Variants in ADTRP observed in about 807,000 individuals in gnomAD.
ADTRP encodes androgen-dependent TFPI-regulating protein.
Under a neutral mutation model 27.0 loss-of-function variants are expected in ADTRP, and 20 were observed. The ratio of observed to expected loss-of-function variants is 0.74; its 90% CI spans 0.52 to 1.08. The LOEUF (loss-of-function observed/expected upper bound fraction) is 1.08. Among genes scored for constraint, ADTRP ranks in the 50% least tolerant of loss-of-function variants. The pLI is 0.00. For synonymous variants in ADTRP, 101 were observed against 105.2 expected (o/e 0.96, Z 0.25); for missense variants, 251 against 275.0 (o/e 0.91, Z 0.62).
chr6:11,742,831 A>G (rs1011798892), intron 3 of ADTRP, among the ~76,000 whole-genome samples: 7 of 152,372 alleles, frequency 4.6e-5, no homozygotes, highest in African/African-American at 1.7e-4. Flanking sequence ...CAGGAACTCC[A>G]GAAGTACCAT....
At chr6:11,736,785 G>T (rs996095733) in intron 3 of ADTRP, 1 of 152,172 alleles carries the variant, frequency 6.6e-6, no homozygotes, top group Non-Finnish European at 1.5e-5. Flanking sequence ...GTGTATATTC[G>T]TACGCTCTGG....
At chr6:11,748,778 G>A (rs910283952) in intron 3 of ADTRP, among the ~76,000 whole-genome samples, 3 of 152,216 alleles carry the variant, frequency 2.0e-5, no homozygotes, top group African/African-American at 7.2e-5. Context: ...CAGTACGCAC[G>A]AAGGTCCTGT....
At chr6:11,716,031 G>T (rs1761814086) in intron 5 of ADTRP, among the ~76,000 whole-genome samples, 1 of 151,718 alleles carries the variant, frequency 6.6e-6, no homozygotes, top group African/African-American at 2.4e-5. Context: ...TCTACATTAG[G>T]TCTATAAGTA....
intron 1 of ADTRP, among the ~76,000 whole-genome samples, chr6:11,775,884 T>G (rs1396846153): frequency 6.6e-6 from 1 of 152,216 alleles, no homozygotes; most frequent in Non-Finnish European, 1.5e-5. Flanking sequence ...GTGTAAATTT[T>G]CTGGTAATCA....
At chr6:11,716,696 A>G (rs888049949) in intron 5 of ADTRP, among the ~76,000 whole-genome samples, 4 of 131,832 alleles carry the variant, frequency 3.0e-5, no homozygotes, top group Non-Finnish European at 5.0e-5. Context: ...ATCTCTGACC[A>G]TGCTTTTTTT....
chr6:11,774,179 G>A lies in ADTRP; in HGVS notation c.153+4428C>T, dbSNP rs541199312. Among the ~76,000 whole-genome samples, 7 of 152,172 alleles carry A rather than the reference G, an allele frequency of 4.6e-5. No individual in the cohort carries two copies. The South Asian group carries it at 1.5e-3, about 32-fold the overall frequency. ...AAAAAAATTAGCCAGGCATGGTGGT[G>A]CATGCTGTAGTCCCAGCTACTGAGG... On this transcript the variant is annotated intron_variant, in intron 1 of 5. Transcript: ENST00000414691.
intron 3 of ADTRP, among the ~76,000 whole-genome samples, chr6:11,742,762 T>C (rs11755870): frequency 0.038 from 5,720 of 152,274 alleles, 147 homozygotes; most frequent in African/African-American, 0.064. Context: ...GTGAAGGAGA[T>C]GCTGCCAGTG....
intron 3 of ADTRP, among the ~76,000 whole-genome samples, chr6:11,765,210 T>G (rs1763524467): frequency 6.6e-6 from 1 of 152,082 alleles, no homozygotes; most frequent in Non-Finnish European, 1.5e-5. Flanking sequence ...GTTGGTCATC[T>G]TGTGAGTTTT....
In ADTRP at chr6:11,723,519, C is replaced by T. The variant is rs777183191; in HGVS notation, c.507-19G>A. The T allele has an allele frequency of 3.2e-5, 52 of 1,612,536 alleles. No homozygotes were observed. In the East Asian group the frequency reaches 5.8e-4, roughly 18 times the overall value. On this transcript the variant is annotated intron_variant, in intron 4 of 5. Transcript: ENST00000414691. Reference sequence around the variant, plus strand: ...TAGGATGCTGCAGGAAATAAGAAGTCGTGGTGGTTATAGCAGGAGGAGAAA... The same window carrying T: ...TAGGATGCTGCAGGAAATAAGAAGTTGTGGTGGTTATAGCAGGAGGAGAAA...
Position 11,766,347 on chromosome 6 carries a change from AAG to A in ADTRP, c.315_316del (p.Phe106SerfsTer35). ...GTAAATGAGATCTCGATTGTAGAGA[AAG>A]AGGATCCAGAATGCCAAAAATACAA... On this transcript the variant is annotated frameshift_variant, in exon 3 of 6. Coordinates refer to ENST00000414691, the MANE Select transcript of ADTRP (RefSeq NM_032744.4). LOFTEE classifies it high-confidence loss of function. 2.5e-6 allele frequency: 4 copies of A among 1,612,756 alleles called. No homozygotes were observed. Among genetic ancestry groups the A allele is most frequent in the Non-Finnish European group, 3.4e-6 (4 of 1,179,276 alleles).
At chr6:11,721,916 T>G (rs1197579302) in intron 5 of ADTRP, among the ~76,000 whole-genome samples, 1 of 132,922 alleles carries the variant, frequency 7.5e-6, no homozygotes, top group East Asian at 7.6e-4. Flanking sequence ...AAAAATTAAC[T>G]CAATACATTA....
intron 3 of ADTRP, among the ~76,000 whole-genome samples, chr6:11,765,323 G>GTTT (rs34943978): frequency 8.4e-5 from 10 of 119,114 alleles, no homozygotes; most frequent in Non-Finnish European, 9.9e-5. Flanking sequence ...CCCCTGGTTT[G>GTTT]TTTTTTTTTT....
intron 5 of ADTRP, among the ~76,000 whole-genome samples, chr6:11,720,355 A>G (rs1761975351): frequency 6.6e-6 from 1 of 152,198 alleles, no homozygotes; most frequent in Admixed American, 6.5e-5. Context: ...ATAGACAGGG[A>G]TCATCTCAGG....
chr6:11,749,539 T>C (rs1427014966), intron 3 of ADTRP, among the ~76,000 whole-genome samples: 2 of 151,888 alleles, frequency 1.3e-5, no homozygotes, highest in Non-Finnish European at 2.9e-5. Context: ...AGAGGTCCCA[T>C]GGGAAGCCTG....
At chr6:11,756,260 G>C (rs1424909651) in intron 3 of ADTRP, among the ~76,000 whole-genome samples, 3 of 152,086 alleles carry the variant, frequency 2.0e-5, no homozygotes, top group Non-Finnish European at 4.4e-5. Context: ...CGGCTACTTG[G>C]GAGGCTGAGG....
chr6:11,770,471 GCAGGCA>G (rs1418583732), intron 1 of ADTRP, among the ~76,000 whole-genome samples: 3 of 152,152 alleles, frequency 2.0e-5, no homozygotes, highest in Non-Finnish European at 4.4e-5. Flanking sequence ...GAACAGAAAA[GCAGGCA>G]GCAGACAGCA....
intron 5 of ADTRP, among the ~76,000 whole-genome samples, chr6:11,717,895 G>C (rs766307760): frequency 6.6e-6 from 1 of 152,380 alleles, no homozygotes; most frequent in East Asian, 1.9e-4. Flanking sequence ...CTGCCCCAGT[G>C]GGACCATGCT....
chr6:11,758,454 G>A (rs1177154359), intron 3 of ADTRP, among the ~76,000 whole-genome samples: 7 of 149,456 alleles, frequency 4.7e-5, no homozygotes, highest in Non-Finnish European at 7.4e-5. Flanking sequence ...TTCATTCTCA[G>A]CAAACTATCG....
intron 5 of ADTRP, 138 bp from the exon 6 acceptor site, chr6:11,714,650 T>A: frequency 1.0e-6 from 1 of 963,232 alleles, no homozygotes; most frequent in Non-Finnish European, 1.6e-6. Context: ...AGATGCAGTT[T>A]AAGGAGTTAT....
Sources: allele counts gnomAD v4.1 joint callset (sites outside exome capture counted in the v4.1 genomes callset), GRCh38; gene constraint gnomAD v4.1.1; transcripts MANE v1.5; gene names NCBI Gene and HGNC (gene_info 2026-07-23, HGNC 2026-07-21).